Variants in MARK1 observed in about 807,000 individuals in gnomAD.
The protein encoded by MARK1 is microtubule affinity regulating kinase 1.
MARK1 carries 40 observed loss-of-function variants against 96.3 expected under a neutral mutation model. The observed-to-expected ratio is 0.42, with a 90% CI of 0.32 to 0.54. The LOEUF is 0.54. Among genes scored for constraint, MARK1 ranks in the 20% least tolerant of loss-of-function variants. The probability of loss-of-function intolerance (pLI) is 0.16; values close to 1 mark genes in which losing one functional copy is unlikely to be tolerated. For synonymous variants in MARK1, 317 were observed against 341.2 expected (o/e 0.93, Z 0.78); for missense variants, 719 against 984.6 (o/e 0.73, Z 3.61).
chr1:220,559,348 A>G (rs148397182), intron 1 of MARK1, among the ~76,000 whole-genome samples: 11 of 152,358 alleles, frequency 7.2e-5, no homozygotes, highest in African/African-American at 2.6e-4. Flanking sequence ...CAGGTAACTG[A>G]TGATCTTGAC....
At chr1:220,579,739 T>A (rs1373280743) in intron 2 of MARK1, among the ~76,000 whole-genome samples, 182 bp downstream of exon 2, 1 of 152,216 alleles carries the variant, frequency 6.6e-6, no homozygotes, top group African/African-American at 2.4e-5. Context: ...CTTTTAATAT[T>A]TAGAAAAGAA....
At chr1:220,534,198 A>C (rs1349225897) in intron 1 of MARK1, among the ~76,000 whole-genome samples, 1 of 151,710 alleles carries the variant, frequency 6.6e-6, no homozygotes, top group Non-Finnish European at 1.5e-5. Flanking sequence ...CTATTAGTGC[A>C]TATTTTGGGG....
intron 13 of MARK1, among the ~76,000 whole-genome samples, chr1:220,643,166 G>C (rs572523280): frequency 3.3e-5 from 5 of 152,140 alleles, no homozygotes; most frequent in South Asian, 4.2e-4. Flanking sequence ...CTGAGCTAAA[G>C]GATTATGTTC....
chr1:220,581,199 T>G (rs915387732), intron 3 of MARK1, 81 bp downstream of exon 3: 4 of 458,108 alleles, frequency 8.7e-6, no homozygotes, highest in Non-Finnish European at 1.5e-5. Flanking sequence ...TCATTCTAAA[T>G]TTTCTATTAG....
At chr1:220,615,912 A>G in intron 6 of MARK1, 27 bp from the exon 7 acceptor site, 1 of 1,291,092 alleles carries the variant, frequency 7.7e-7, no homozygotes, top group Non-Finnish European at 1.1e-6. Flanking sequence ...TAATAATTTG[A>G]CTCTTTTATC....
chr1:220,540,929 T>G (rs112568407), intron 1 of MARK1, among the ~76,000 whole-genome samples: 5 of 152,210 alleles, frequency 3.3e-5, no homozygotes, highest in African/African-American at 1.2e-4. Flanking sequence ...TTATTTGAAG[T>G]CTCTCTCTTT....
intron 1 of MARK1, among the ~76,000 whole-genome samples, chr1:220,575,611 A>G (rs73093530): frequency 0.019 from 2,925 of 152,224 alleles, 41 homozygotes; most frequent in Middle Eastern, 0.044. Flanking sequence ...GTTTTGGTGG[A>G]TATCTTATAA....
intron 6 of MARK1, 92 bp from the exon 7 acceptor site, chr1:220,615,847 C>A (rs963760129): frequency 3.0e-6 from 2 of 671,666 alleles, no homozygotes; most frequent in African/African-American, 1.9e-5. Context: ...CCTTGAAATC[C>A]GAATTAGTAA....
At chr1:220,589,011 C>G (rs1664820864) in intron 3 of MARK1, among the ~76,000 whole-genome samples, 3 of 152,206 alleles carry the variant, frequency 2.0e-5, no homozygotes, top group Admixed American at 2.0e-4. Flanking sequence ...CAGCCTTCTA[C>G]TAGCCCAGTT....
chr1:220,579,585 C>G, intron 2 of MARK1, 28 bp downstream of exon 2: 1 of 1,576,066 alleles, frequency 6.3e-7, no homozygotes, highest in Non-Finnish European at 8.7e-7. Flanking sequence ...CTTTTAATAT[C>G]TGCCTGGACC....
At chr1:220,632,050 G>A (rs1268087496) in intron 10 of MARK1, 151 bp from the exon 11 acceptor site, 24 of 467,904 alleles carry the variant, frequency 5.1e-5, no homozygotes, top group East Asian at 2.9e-4. Context: ...TATGGTATCC[G>A]TAGGTTAATA....
intron 1 of MARK1, among the ~76,000 whole-genome samples, chr1:220,545,426 C>T (rs1661414100): frequency 7.1e-6 from 1 of 141,022 alleles, no homozygotes; most frequent in East Asian, 2.1e-4. Flanking sequence ...ATTCAGTGGG[C>T]TGCTTTCTCA....
chr1:220,640,927 C>T lies in MARK1; in HGVS notation c.1470+4901C>T, dbSNP rs568899784. ...CTTCTAACACAGGAACTTCAGGAGA[C>T]ACATTCAAACTGTAGCAGAGTATTA... is the stretch of plus-strand genomic sequence containing the variant. On this transcript the variant is annotated intron_variant, in intron 13 of 17. Coordinates refer to ENST00000366917, the MANE Select transcript of MARK1 (RefSeq NM_018650.5). 2.2e-4 allele frequency among the ~76,000 whole-genome samples: 33 copies of T among 152,278 alleles called. 1 individual carries two copies. The South Asian group carries it at 6.9e-3, about 32-fold the overall frequency.
chr1:220,572,727 T>C (rs1663559328), intron 1 of MARK1, among the ~76,000 whole-genome samples: 2 of 152,354 alleles, frequency 1.3e-5, no homozygotes, highest in Non-Finnish European at 2.9e-5. Context: ...TGTACTGTTT[T>C]GTATTTACCC....
At chr1:220,619,035 G>A (rs532809152) in intron 9 of MARK1, among the ~76,000 whole-genome samples, 5 of 152,174 alleles carry the variant, frequency 3.3e-5, no homozygotes, top group African/African-American at 4.8e-5. Context: ...GGAGGAAAAC[G>A]TAGCTGCTGT....
chr1:220,604,219 G>C (rs1665929252), intron 6 of MARK1, 82 bp downstream of exon 6: 2 of 702,344 alleles, frequency 2.8e-6, no homozygotes, highest in Non-Finnish European at 4.6e-6. Context: ...GGACTTCACA[G>C]CACATGGTAT....
At chr1:220,558,299 AACTG>A (rs1662426834) in intron 1 of MARK1, among the ~76,000 whole-genome samples, 1 of 151,492 alleles carries the variant, frequency 6.6e-6, no homozygotes, top group East Asian at 1.9e-4. Context: ...AAAGAATAAA[AACTG>A]AATGTATAAC....
At chr1:220,587,666 A>G (rs3010236) in intron 3 of MARK1, among the ~76,000 whole-genome samples, 142,951 of 152,226 alleles carry the variant, frequency 0.94, 67,833 homozygotes, top group East Asian at 1. Context: ...CACCGTGCCC[A>G]GCCTTGTTCA....
At chr1:220,596,892 A>G (rs1665400300) in intron 3 of MARK1, among the ~76,000 whole-genome samples, 1 of 152,174 alleles carries the variant, frequency 6.6e-6, no homozygotes, top group Non-Finnish European at 1.5e-5. Context: ...GCCCCTGGCA[A>G]CCATCATTCT....
Sources: allele counts gnomAD v4.1 joint callset (sites outside exome capture counted in the v4.1 genomes callset), GRCh38; gene constraint gnomAD v4.1.1; transcripts MANE v1.5; gene names NCBI Gene and HGNC (gene_info 2026-07-23, HGNC 2026-07-21).